The following USH2A variants were observed in gnomAD, a reference collection of about 807,000 sequenced individuals.
USH2A encodes usherin, also known as Usher syndrome 2A (autosomal recessive, mild).
USH2A carries 443 observed loss-of-function variants against 538.9 expected under a neutral mutation model. That is an observed-to-expected ratio of 0.82 (90% confidence interval 0.76 to 0.89). The LOEUF is 0.89. Among genes scored for constraint, USH2A ranks in the 40% least tolerant of loss-of-function variants. USH2A has a pLI of 0.00. For missense variants in USH2A, 6,633 were observed against 6,324.8 expected (o/e 1.05, Z -1.65); for synonymous variants, 2,413 against 2,273.5 (o/e 1.06, Z -1.75).
intron 37 of USH2A, among the ~76,000 whole-genome samples, chr1:215,942,864 C>T (rs1313495013): frequency 6.6e-6 from 1 of 152,154 alleles, no homozygotes; most frequent in Non-Finnish European, 1.5e-5. Flanking sequence ...GCCATCCTGC[C>T]AAGCACTGTG....
At chr1:215,974,443 C>T (rs965687837) in intron 35 of USH2A, among the ~76,000 whole-genome samples, 3 of 152,132 alleles carry the variant, frequency 2.0e-5, no homozygotes, top group Non-Finnish European at 4.4e-5. Flanking sequence ...ATGATCCCAT[C>T]ACCCAGATAG....
chr1:216,327,525 C>T (rs2037758866), intron 5 of USH2A, 66 bp downstream of exon 5: 1 of 1,558,798 alleles, frequency 6.4e-7, no homozygotes, highest in Non-Finnish European at 8.8e-7. Flanking sequence ...ACATAGTATT[C>T]TTATTTAAGT....
At chr1:215,861,511 A>T (rs1664311415) in intron 44 of USH2A, among the ~76,000 whole-genome samples, 1 of 152,132 alleles carries the variant, frequency 6.6e-6, no homozygotes, top group Admixed American at 6.6e-5. Context: ...GAACCCAGGA[A>T]CTTTCTCTTA....
At chr1:216,118,258 A>G (rs187664901) in intron 21 of USH2A, among the ~76,000 whole-genome samples, 8 of 152,256 alleles carry the variant, frequency 5.3e-5, no homozygotes, top group Admixed American at 4.6e-4. Context: ...CGTCCACTGT[A>G]TTTGTTCTGA....
intron 3 of USH2A, among the ~76,000 whole-genome samples, chr1:216,409,324 T>G (rs951862384): frequency 3.3e-5 from 5 of 152,092 alleles, no homozygotes; most frequent in Non-Finnish European, 7.4e-5. Flanking sequence ...AATTTACAGA[T>G]TCAGTGCTAT....
At chr1:216,395,692 G>A (rs913454588) in intron 3 of USH2A, among the ~76,000 whole-genome samples, 8 of 152,324 alleles carry the variant, frequency 5.3e-5, no homozygotes, top group African/African-American at 1.7e-4. Flanking sequence ...ACTTGGCAAT[G>A]TCTGCAGACA....
chr1:215,724,331 G>A (rs899666502), intron 61 of USH2A, among the ~76,000 whole-genome samples: 3 of 151,846 alleles, frequency 2.0e-5, no homozygotes, highest in Non-Finnish European at 4.4e-5. Flanking sequence ...GGAACTAGAG[G>A]CCATTATCCT....
At chr1:216,261,851 T>C (rs773955013) in intron 11 of USH2A, among the ~76,000 whole-genome samples, 94 of 152,196 alleles carry the variant, frequency 6.2e-4, no homozygotes, top group Non-Finnish European at 7.5e-4. Flanking sequence ...TGCACAAACA[T>C]GCCTCCATCC....
At chr1:216,229,608 C>A (rs1200751170) in intron 14 of USH2A, among the ~76,000 whole-genome samples, 29 of 152,150 alleles carry the variant, frequency 1.9e-4, no homozygotes, top group Admixed American at 1.9e-3. Context: ...AGCCATAGTG[C>A]CTAGACTGAA....
rs370056209 is a variant in USH2A at position 216,157,162 on chromosome 1, C to T, written c.4627+18090G>A. Among the ~76,000 whole-genome samples the T allele has an allele frequency of 1.9e-4, 29 of 152,198 alleles. 1 individual carries two copies. Among genetic ancestry groups the T allele is most frequent in the Middle Eastern group, 6.8e-3 (2 of 294 alleles). On this transcript the variant is annotated intron_variant, in intron 21 of 71. Coordinates refer to ENST00000307340, the MANE Select transcript of USH2A (RefSeq NM_206933.4). ...GCTGGATTACAGGTGTGAGCCACCG[C>T]GCCCAGCCAAACATACACTTCACAG...
rs1199286466 is a variant in USH2A at position 215,625,322 on chromosome 1, A to C, written c.*459T>G. ...TTCATTTAGCAGCTGTGATCATTAG[A>C]ATAACTATTCTTGCAGGATTGTGTC... On this transcript the variant is annotated 3_prime_UTR_variant, in exon 72 of 72. Coordinates refer to ENST00000307340, the MANE Select transcript of USH2A (RefSeq NM_206933.4). The C allele has an allele frequency of 9.5e-6, 2 of 211,112 alleles. No individual in the cohort carries two copies. Among genetic ancestry groups the C allele is most frequent in the South Asian group, 8.1e-5 (1 of 12,410 alleles). 13.1% of individuals were successfully genotyped at this position (211,112 alleles called of 1,614,324 possible).
At chr1:216,160,797 T>C (rs1216479766) in intron 21 of USH2A, among the ~76,000 whole-genome samples, 1 of 152,160 alleles carries the variant, frequency 6.6e-6, no homozygotes, top group African/African-American at 2.4e-5. Context: ...TTGATAGTTA[T>C]ACTAATATTT....
intron 55 of USH2A, among the ~76,000 whole-genome samples, chr1:215,773,116 A>G (rs1661340953): frequency 6.6e-6 from 1 of 152,132 alleles, no homozygotes; most frequent in Non-Finnish European, 1.5e-5. Flanking sequence ...AAAGCCCCAA[A>G]TAATTTTCTA....
chr1:215,791,548 A>C lies in USH2A; in HGVS notation c.9959-1266T>G, dbSNP rs1256813049. 6.6e-5 allele frequency among the ~76,000 whole-genome samples: 10 copies of C among 152,338 alleles called. No individual in the cohort carries two copies. In the East Asian group the frequency reaches 1.7e-3, roughly 26 times the overall value. On this transcript the variant is annotated intron_variant, in intron 50 of 71. Transcript: ENST00000307340. ...ATCTTTTTACTTACAAAAGTCTCTA[A>C]TATTAAAAACTCTTATTTATGATTA...
At chr1:216,128,726 A>G (rs1163096329) in intron 21 of USH2A, among the ~76,000 whole-genome samples, 1 of 152,084 alleles carries the variant, frequency 6.6e-6, no homozygotes, top group Non-Finnish European at 1.5e-5. Flanking sequence ...CACCCCAAGC[A>G]AGCATCATTT....
intron 3 of USH2A, among the ~76,000 whole-genome samples, chr1:216,391,428 G>A (rs913612780): frequency 6.6e-6 from 1 of 152,090 alleles, no homozygotes; most frequent in Admixed American, 6.5e-5. Context: ...CCATCTGCCA[G>A]CTTACTCAGT....
At chr1:216,237,494 T>TAAAAAAAAAAAAAAAAA (rs59074625) in intron 13 of USH2A, among the ~76,000 whole-genome samples, 3 of 114,290 alleles carry the variant, frequency 2.6e-5, no homozygotes, top group South Asian at 2.8e-4. Context: ...GACTCCGTCT[T>TAAAAAAAAAAAAAAAAA]AAAAAAAAAA....
intron 13 of USH2A, among the ~76,000 whole-genome samples, chr1:216,235,512 T>A (rs1299718575): frequency 6.6e-6 from 1 of 152,138 alleles, no homozygotes; most frequent in East Asian, 1.9e-4. Flanking sequence ...GAAAAAAATG[T>A]ATCATCCAGC....
At chr1:216,419,518 A>T (rs1259178454) in intron 2 of USH2A, among the ~76,000 whole-genome samples, 1 of 152,124 alleles carries the variant, frequency 6.6e-6, no homozygotes, top group African/African-American at 2.4e-5. Flanking sequence ...CTGAATGATT[A>T]TGCTTGGTCC....
Sources: allele counts gnomAD v4.1 joint callset (sites outside exome capture counted in the v4.1 genomes callset), GRCh38; gene constraint gnomAD v4.1.1; transcripts MANE v1.5; gene names NCBI Gene and HGNC (gene_info 2026-07-23, HGNC 2026-07-21).